Variants in STIM2 observed in about 807,000 individuals in gnomAD.
STIM2 encodes the protein stromal interaction molecule 2.
STIM2 carries 31 observed loss-of-function variants against 85.8 expected under a neutral mutation model. The ratio of observed to expected loss-of-function variants is 0.36; its 90% CI spans 0.27 to 0.49. The LOEUF (loss-of-function observed/expected upper bound fraction) is 0.49, where lower values mean the gene tolerates loss of function less well. Among genes scored for constraint, STIM2 ranks in the 20% least tolerant of loss-of-function variants. The pLI, the probability that STIM2 is intolerant of heterozygous loss-of-function variation, is 0.98. For missense variants in STIM2, 841 were observed against 927.6 expected (o/e 0.91, Z 1.21); for synonymous variants, 356 against 331.1 (o/e 1.08, Z -0.82).
chr4:26,892,360 C>T (rs1279718988), intron 1 of STIM2, among the ~76,000 whole-genome samples: 1 of 152,154 alleles, frequency 6.6e-6, no homozygotes, highest in Non-Finnish European at 1.5e-5. Context: ...TTGCGGCCAT[C>T]TTTTTGTATC....
chr4:26,955,249 A>G (rs1726203912), intron 2 of STIM2, among the ~76,000 whole-genome samples: 1 of 147,834 alleles, frequency 6.8e-6, no homozygotes, highest in Admixed American at 6.7e-5. Flanking sequence ...TACCACATCT[A>G]GTCATGTGGA....
chr4:26,872,855 G>A (rs1018804796), intron 1 of STIM2, among the ~76,000 whole-genome samples: 6 of 152,340 alleles, frequency 3.9e-5, no homozygotes, highest in African/African-American at 9.6e-5. Context: ...AGGCTTCTGA[G>A]AAGGTCACAT....
intron 3 of STIM2, among the ~76,000 whole-genome samples, chr4:26,988,677 T>C (rs939108727): frequency 3.9e-5 from 6 of 152,198 alleles, no homozygotes; most frequent in Non-Finnish European, 7.3e-5. Flanking sequence ...ACTTTTAGAT[T>C]CAATATGATG....
At chr4:26,975,834 G>A (rs574457412) in intron 3 of STIM2, among the ~76,000 whole-genome samples, 2 of 152,358 alleles carry the variant, frequency 1.3e-5, no homozygotes, top group East Asian at 3.9e-4. Flanking sequence ...GCTGCCTTTT[G>A]TTCAGCTATG....
chr4:27,014,699 G>A (rs1490830545), intron 10 of STIM2, among the ~76,000 whole-genome samples: 1 of 151,856 alleles, frequency 6.6e-6, no homozygotes, highest in Admixed American at 6.6e-5. Flanking sequence ...TAAATCAGGT[G>A]TTAGGATAAA....
In STIM2 at chr4:27,008,795, C is replaced by T; in HGVS notation, c.1282C>T (p.Arg428Ter). Residue 428 changes from arginine to a stop codon, truncating the protein, a stop_gained, in exon 10 of 12, where the codon CGA becomes TGA. Transcript: ENST00000467087. LOFTEE classifies it high-confidence loss of function. The stretch of plus-strand genomic sequence containing the variant: ...TCTCTCTGAGTTGACAACTTGTTTA[C>T]GAGAACGACTTTTTCGCTGGCAACA... 1.9e-6 allele frequency: 3 copies of T among 1,614,068 alleles called. No individual in the cohort carries two copies. Among genetic ancestry groups the T allele is most frequent in the Non-Finnish European group, 2.5e-6 (3 of 1,179,986 alleles).
intron 1 of STIM2, among the ~76,000 whole-genome samples, chr4:26,872,660 A>G (rs1033565530): frequency 3.9e-5 from 6 of 152,250 alleles, no homozygotes; most frequent in Non-Finnish European, 8.8e-5. Flanking sequence ...AGCATATGAT[A>G]AGTATTGGGG....
At chr4:27,008,578 A>G (rs1728449949) in intron 9 of STIM2, 50 bp downstream of exon 9, 17 of 1,351,030 alleles carry the variant, frequency 1.3e-5, no homozygotes, top group Admixed American at 2.1e-5. Context: ...TTGTGTTAAA[A>G]TGAGTAATTT....
intron 1 of STIM2, among the ~76,000 whole-genome samples, chr4:26,889,088 A>G (rs1279452533): frequency 1.3e-5 from 2 of 152,178 alleles, no homozygotes; most frequent in Non-Finnish European, 2.9e-5. Context: ...AATAGGCAAC[A>G]AAAATTTCGC....
intron 2 of STIM2, among the ~76,000 whole-genome samples, chr4:26,931,772 A>T (rs1415912605): frequency 6.6e-6 from 1 of 152,216 alleles, no homozygotes; most frequent in East Asian, 1.9e-4. Context: ...CTATATACTG[A>T]AATTTTCATA....
intron 1 of STIM2, among the ~76,000 whole-genome samples, chr4:26,861,884 G>C (rs1456217688): frequency 6.6e-6 from 1 of 152,114 alleles, no homozygotes; most frequent in Admixed American, 6.5e-5. Context: ...ATAATACCTA[G>C]TGATATTAGT....
intron 11 of STIM2, chr4:27,019,436 A>G: frequency 2.3e-6 from 3 of 1,289,834 alleles, no homozygotes; most frequent in Non-Finnish European, 3.0e-6. Context: ...CTTTACTGAC[A>G]GAACTGGTCT....
intron 1 of STIM2, among the ~76,000 whole-genome samples, chr4:26,890,685 G>A (rs1041835509): frequency 2.0e-5 from 3 of 151,382 alleles, no homozygotes; most frequent in Non-Finnish European, 3.0e-5. Flanking sequence ...TTAGCCGGGC[G>A]TAGTGGCGGG....
rs538932525 is a variant in STIM2 at position 26,914,463 on chromosome 4, T to C, written c.152-5041T>C. ...GCCTTTCTTGCTGTGCATGTAGACA[T>C]GACTATTCCCTTAGTTTTGTCACCA... On this transcript the variant is annotated intron_variant, in intron 1 of 11. Coordinates refer to ENST00000467087, the MANE Select transcript of STIM2 (RefSeq NM_020860.4). Among the ~76,000 whole-genome samples, 5 of 152,362 alleles carry C rather than the reference T, an allele frequency of 3.3e-5. No homozygotes were observed. The East Asian group carries it at 9.6e-4, about 29-fold the overall frequency.
chr4:26,978,629 A>C (rs920534192), intron 3 of STIM2, among the ~76,000 whole-genome samples: 2 of 152,182 alleles, frequency 1.3e-5, no homozygotes, highest in African/African-American at 4.8e-5. Context: ...AATGCCAGAA[A>C]GTAACTGGCT....
At chr4:26,982,955 C>T (rs1391484574) in intron 3 of STIM2, among the ~76,000 whole-genome samples, 1 of 152,140 alleles carries the variant, frequency 6.6e-6, no homozygotes, top group African/African-American at 2.4e-5. Context: ...CTGTAGGTAG[C>T]CAGGGTCCTG....
At chr4:26,968,375 A>G (rs2109102132) in intron 3 of STIM2, among the ~76,000 whole-genome samples, 1 of 152,262 alleles carries the variant, frequency 6.6e-6, no homozygotes, top group South Asian at 2.1e-4. Context: ...TACGCACAAC[A>G]TGGATAAACC....
intron 10 of STIM2, among the ~76,000 whole-genome samples, chr4:27,012,394 A>G (rs1458466237): frequency 6.6e-6 from 1 of 151,962 alleles, no homozygotes; most frequent in Non-Finnish European, 1.5e-5. Context: ...GATCTTTTCT[A>G]TCTTTAAGTA....
chr4:26,923,338 C>T (rs1200173843), intron 2 of STIM2, among the ~76,000 whole-genome samples: 9 of 151,944 alleles, frequency 5.9e-5, no homozygotes, highest in Non-Finnish European at 7.4e-5. Context: ...TCCAAAGGAA[C>T]GCAGTTCCTC....
Sources: allele counts gnomAD v4.1 joint callset (sites outside exome capture counted in the v4.1 genomes callset), GRCh38; gene constraint gnomAD v4.1.1; transcripts MANE v1.5; gene names NCBI Gene and HGNC (gene_info 2026-07-23, HGNC 2026-07-21).